The following AOAH variants were observed in gnomAD, a reference collection of about 807,000 sequenced individuals.
The protein encoded by AOAH is acyloxyacyl hydrolase (neutrophil).
Under a neutral mutation model 92.2 loss-of-function variants are expected in AOAH, and 64 were observed. The observed-to-expected ratio is 0.69, with a 90% confidence interval of 0.57 to 0.86. The LOEUF (loss-of-function observed/expected upper bound fraction) is 0.86, where lower values mean the gene tolerates loss of function less well. AOAH is among the 40% of genes least tolerant of loss of function. The pLI, the probability that AOAH is intolerant of heterozygous loss-of-function variation, is 0.00. For synonymous variants in AOAH, 263 were observed against 254.5 expected (o/e 1.03, Z -0.32); for missense variants, 656 against 694.6 (o/e 0.94, Z 0.62).
chr7:36,693,793 T>C (rs1797548690), intron 1 of AOAH, among the ~76,000 whole-genome samples: 1 of 152,198 alleles, frequency 6.6e-6, no homozygotes, highest in African/African-American at 2.4e-5. Context: ...TACCTATGTC[T>C]GTTGAGAAAT....
At chr7:36,636,588 T>C (rs1793541821) in intron 5 of AOAH, among the ~76,000 whole-genome samples, 1 of 152,240 alleles carries the variant, frequency 6.6e-6, no homozygotes, top group African/African-American at 2.4e-5. Context: ...GGGCTACTGT[T>C]GGCCCTTAAT....
intron 2 of AOAH, among the ~76,000 whole-genome samples, chr7:36,677,717 C>T (rs573206146): frequency 1.3e-5 from 2 of 152,244 alleles, no homozygotes; most frequent in East Asian, 3.9e-4. Context: ...TACCTATCAG[C>T]TAATAGATCA....
intron 19 of AOAH, among the ~76,000 whole-genome samples, chr7:36,528,889 T>G (rs1038679399): frequency 2.0e-5 from 3 of 152,190 alleles, no homozygotes; most frequent in Admixed American, 6.5e-5. Flanking sequence ...TTAATGGGCA[T>G]AGAGATGACC....
intron 1 of AOAH, among the ~76,000 whole-genome samples, chr7:36,715,303 C>T (rs1204853085): frequency 3.9e-5 from 6 of 152,106 alleles, no homozygotes; most frequent in Non-Finnish European, 8.8e-5. Context: ...AACTACAAAC[C>T]ACTGCTCAAT....
chr7:36,520,627 A>C (rs1336884849), intron 20 of AOAH, among the ~76,000 whole-genome samples: 3 of 151,790 alleles, frequency 2.0e-5, no homozygotes, highest in Non-Finnish European at 4.4e-5. Flanking sequence ...ATCACTTGAA[A>C]CCAGGAAGCG....
intron 16 of AOAH, among the ~76,000 whole-genome samples, chr7:36,538,003 A>G (rs1323975693): frequency 6.9e-6 from 1 of 143,896 alleles, no homozygotes; most frequent in Non-Finnish European, 1.5e-5. Context: ...TACCATTCGT[A>G]CATTCTTTTT....
intron 1 of AOAH, among the ~76,000 whole-genome samples, chr7:36,709,746 C>T (rs1053723389): frequency 4.0e-5 from 6 of 151,882 alleles, no homozygotes; most frequent in Admixed American, 2.0e-4. Context: ...TGAAAAACAA[C>T]TGTTTTATAT....
intron 12 of AOAH, among the ~76,000 whole-genome samples, chr7:36,577,607 T>A (rs981687959): frequency 2.6e-5 from 4 of 152,212 alleles, no homozygotes; most frequent in African/African-American, 9.6e-5. Flanking sequence ...TTATATATAT[T>A]TTAACTCATT....
intron 1 of AOAH, among the ~76,000 whole-genome samples, chr7:36,700,029 C>T (rs527474189): frequency 8.5e-4 from 130 of 152,090 alleles, no homozygotes; most frequent in Non-Finnish European, 1.6e-3. Context: ...ATCCAGTTTT[C>T]TCGTAACACA....
At chr7:36,525,103 C>G (rs1358301832) in intron 19 of AOAH, among the ~76,000 whole-genome samples, 1 of 152,164 alleles carries the variant, frequency 6.6e-6, no homozygotes. Context: ...ATGGACCTGA[C>G]CTGGACTCTC....
At chr7:36,692,383 C>T (rs1797457596) in intron 1 of AOAH, among the ~76,000 whole-genome samples, 1 of 152,182 alleles carries the variant, frequency 6.6e-6, no homozygotes, top group Admixed American at 6.5e-5. Context: ...TCTTTTATTG[C>T]AGACAACTAG....
intron 20 of AOAH, among the ~76,000 whole-genome samples, chr7:36,519,858 C>G (rs928789790): frequency 1.3e-5 from 2 of 152,238 alleles, no homozygotes; most frequent in Non-Finnish European, 2.9e-5. Flanking sequence ...TTTTCCTACT[C>G]TATACTATAA....
At position 36,520,652 on chromosome 7, in the gene AOAH, C is replaced by T. The variant is rs546019133; in HGVS notation, c.1599+1387G>A. The stretch of plus-strand genomic sequence containing the variant: ...ACCAGGAAGCGGAGGTTGCGGTGAG[C>T]GGAGATCACACCATTGCACTCCAGC... On this transcript the variant is annotated intron_variant, in intron 20 of 20. Coordinates refer to ENST00000617537, the MANE Select transcript of AOAH (RefSeq NM_001637.4). Among the ~76,000 whole-genome samples, 264 of 148,322 alleles carry T rather than the reference C, an allele frequency of 1.8e-3. 1 individual carries two copies. Among genetic ancestry groups the T allele is most frequent in the African/African-American group, 6.2e-3 (248 of 39,948 alleles).
At position 36,599,051 on chromosome 7, in the gene AOAH, C is replaced by T. The variant is rs141540445; in HGVS notation, c.847-4621G>A. Among the ~76,000 whole-genome samples, 237 of 152,194 alleles carry T rather than the reference C, an allele frequency of 1.6e-3. 1 individual carries two copies. The highest frequency in any genetic ancestry group is 3.0e-3 in the Non-Finnish European group (201 of 68,008). ...AACCTAGTGAGTGTTAGATCACTAC[C>T]GCATTGCTTCAAAATTTCTTCTGAC... is the stretch of plus-strand genomic sequence containing the variant. On this transcript the variant is annotated intron_variant, in intron 11 of 20. Coordinates refer to ENST00000617537, the MANE Select transcript of AOAH (RefSeq NM_001637.4).
At chr7:36,544,881 G>A (rs1785695638) in intron 15 of AOAH, among the ~76,000 whole-genome samples, 1 of 152,144 alleles carries the variant, frequency 6.6e-6, no homozygotes, top group Non-Finnish European at 1.5e-5. Flanking sequence ...CCAGCTTCCT[G>A]GAACCATAGC....
chr7:36,625,808 G>T (rs1250904844), intron 6 of AOAH, among the ~76,000 whole-genome samples: 1 of 152,170 alleles, frequency 6.6e-6, no homozygotes, highest in Admixed American at 6.5e-5. Flanking sequence ...AGGCTGTGAC[G>T]CTGCTCTCCC....
intron 16 of AOAH, 75 bp from the exon 17 acceptor site, chr7:36,532,419 T>G: frequency 7.3e-7 from 1 of 1,363,152 alleles, no homozygotes; most frequent in South Asian, 1.2e-5. Flanking sequence ...GGGGCTTCCC[T>G]GCCTCCCTTG....
chr7:36,687,203 C>T (rs1021883840), intron 1 of AOAH, among the ~76,000 whole-genome samples: 4 of 152,266 alleles, frequency 2.6e-5, no homozygotes, highest in Non-Finnish European at 4.4e-5. Flanking sequence ...CACCATGTGG[C>T]CTTTCTGAAC....
chr7:36,656,309 C>T (rs1326234497), intron 4 of AOAH, among the ~76,000 whole-genome samples: 1 of 152,174 alleles, frequency 6.6e-6, no homozygotes, highest in Non-Finnish European at 1.5e-5. Context: ...ATACGACATT[C>T]AAGGATAGAG....
Sources: allele counts gnomAD v4.1 joint callset (sites outside exome capture counted in the v4.1 genomes callset), GRCh38; gene constraint gnomAD v4.1.1; transcripts MANE v1.5; gene names NCBI Gene and HGNC (gene_info 2026-07-23, HGNC 2026-07-21).